The following COPS8 variants were observed in gnomAD, a reference collection of about 807,000 sequenced individuals.
COPS8 encodes the protein COP9 signalosome subunit 8.
A neutral mutation model predicts 31.5 loss-of-function variants in COPS8; 11 were observed. The observed-to-expected ratio is 0.35, with a 90% CI of 0.22 to 0.58. The LOEUF is 0.58. Among genes scored for constraint, COPS8 ranks in the 20% least tolerant of loss-of-function variants. The probability of loss-of-function intolerance (pLI) is 0.83; values close to 1 mark genes in which losing one functional copy is unlikely to be tolerated. For missense variants in COPS8, 215 were observed against 255.1 expected (o/e 0.84, Z 1.07); for synonymous variants, 81 against 89.3 (o/e 0.91, Z 0.52).
intron 5 of COPS8, among the ~76,000 whole-genome samples, chr2:237,095,259 G>A (rs893521178): frequency 1.3e-5 from 2 of 152,040 alleles, no homozygotes; most frequent in African/African-American, 4.8e-5. Context: ...GTGAATGCTG[G>A]TACCACCCGT....
chr2:237,096,950 TGA>T, intron 7 of COPS8, 81 bp downstream of exon 7: 1 of 913,330 alleles, frequency 1.1e-6, no homozygotes, highest in Non-Finnish European at 1.7e-6. Flanking sequence ...TATGTGTGTG[TGA>T]GTGTGTGTAT....
chr2:237,088,239 T>C (rs1696653397), intron 2 of COPS8, among the ~76,000 whole-genome samples: 1 of 152,214 alleles, frequency 6.6e-6, no homozygotes. Flanking sequence ...AGGCTTATTG[T>C]CAGGGAATGC....
Position 237,089,984 on chromosome 2 carries a change from A to C in COPS8, c.321A>C (p.Glu107Asp). Residue 107 changes from glutamate to aspartate, a missense_variant, in exon 4 of 8, where the codon GAA becomes GAC. Transcript: ENST00000354371. ...QWSETVQPIM[E>D]ALRDATRRRA... Reference sequence around the variant, plus strand: ...CTGAGACGGTCCAGCCAATTATGGAAGCACTTAGAGGTAGTGTTTCTTTGT... The same window carrying C: ...CTGAGACGGTCCAGCCAATTATGGACGCACTTAGAGGTAGTGTTTCTTTGT... 5.6e-6 allele frequency: 9 copies of C among 1,613,950 alleles called. No homozygotes were observed. The African/African-American group carries it at 8.0e-5, about 14-fold the overall frequency.
rs1251935459 is a variant in COPS8 at position 237,099,911 on chromosome 2, A to G, written c.*2169A>G. The G allele has an allele frequency of 6.6e-6, 1 of 152,210 alleles. No homozygotes were observed. The highest frequency in any genetic ancestry group is 1.5e-5 in the Non-Finnish European group (1 of 68,048). The allele number at this position is 152,210 out of a possible 1,614,324, so 9.4% of individuals were successfully genotyped here. A position where few individuals can be genotyped will look rare whatever the true frequency, so the allele number is the denominator to read the frequency against. The stretch of plus-strand genomic sequence containing the variant: ...GATTTCTACAGGCCATGTAAAAATG[A>G]GACAGTTTGAGCATGAAATATTTGT... On this transcript the variant is annotated 3_prime_UTR_variant, in exon 8 of 8. Transcript: ENST00000354371.
In COPS8 at chr2:237,094,285, A is replaced by G. The variant is rs954675867; in HGVS notation, c.439+88A>G. 3.1e-5 allele frequency: 39 copies of G among 1,270,914 alleles called. No individual in the cohort carries two copies. The African/African-American group carries it at 5.5e-4, about 18-fold the overall frequency. 78.7% of individuals were successfully genotyped at this position (1,270,914 alleles called of 1,614,324 possible). On this transcript the variant is annotated intron_variant, in intron 5 of 7. Coordinates refer to ENST00000354371, the MANE Select transcript of COPS8 (RefSeq NM_006710.5). ...CACAGTCTCCTCTGAAACACTTGGA[A>G]CAGAATATGCTTTTGGAGTCCAGGC...
chr2:237,094,964 T>C (rs932179327), intron 5 of COPS8, among the ~76,000 whole-genome samples: 3 of 152,028 alleles, frequency 2.0e-5, no homozygotes, highest in Non-Finnish European at 4.4e-5. Context: ...AGATTCCATA[T>C]CAAAAATATA....
chr2:237,093,170 G>T (rs1030136836), intron 4 of COPS8, among the ~76,000 whole-genome samples: 1 of 152,202 alleles, frequency 6.6e-6, no homozygotes, highest in Non-Finnish European at 1.5e-5. Context: ...GCCCCAGGGG[G>T]AGAAGGTGTA....
chr2:237,090,073 G>A (rs2106344816), intron 4 of COPS8, 79 bp downstream of exon 4: 2 of 1,430,186 alleles, frequency 1.4e-6, no homozygotes, highest in Non-Finnish European at 1.9e-6. Context: ...TAATAAATCA[G>A]TGGTGTGTGT....
chr2:237,094,919 CTG>C (rs1262008128), intron 5 of COPS8, among the ~76,000 whole-genome samples: 5 of 152,076 alleles, frequency 3.3e-5, no homozygotes, highest in Non-Finnish European at 5.9e-5. Context: ...TGAGCTGAGA[CTG>C]TGCCACTGCA....
At chr2:237,087,936 A>C (rs928255087) in intron 2 of COPS8, among the ~76,000 whole-genome samples, 3 of 150,258 alleles carry the variant, frequency 2.0e-5, no homozygotes, top group African/African-American at 7.5e-5. Context: ...CCTGTCTCAA[A>C]AGGAAAGCAT....
chr2:237,089,023 C>T (rs1372885122), intron 3 of COPS8, among the ~76,000 whole-genome samples: 3 of 152,144 alleles, frequency 2.0e-5, no homozygotes, highest in African/African-American at 7.2e-5. Context: ...CCATCGTTTA[C>T]AAGAATACTC....
chr2:237,093,220 G>T (rs1696738472), intron 4 of COPS8, among the ~76,000 whole-genome samples: 1 of 152,208 alleles, frequency 6.6e-6, no homozygotes, highest in Non-Finnish European at 1.5e-5. Context: ...TGGCACAAAG[G>T]GTATCTGGGG....
At chr2:237,090,967 A>G (rs1327021378) in intron 4 of COPS8, among the ~76,000 whole-genome samples, 1 of 152,298 alleles carries the variant, frequency 6.6e-6, no homozygotes, top group Non-Finnish European at 1.5e-5. Context: ...CTCTTCATAT[A>G]AGCCCTGAGG....
chr2:237,092,361 T>C (rs1235281652), intron 4 of COPS8, among the ~76,000 whole-genome samples: 1 of 152,230 alleles, frequency 6.6e-6, no homozygotes, highest in Non-Finnish European at 1.5e-5. Context: ...TCACATGTTT[T>C]TCTTTCCTTT....
rs776223966 is a variant in COPS8, at chr2:237,088,596, G to A, written c.150-9G>A. 5.1e-5 allele frequency: 81 copies of A among 1,583,042 alleles called. No homozygotes were observed. The highest frequency in any genetic ancestry group is 1.2e-4 in the Admixed American group (7 of 56,718). On this transcript the variant is annotated splice_polypyrimidine_tract_variant and intron_variant, in intron 2 of 7. Coordinates refer to ENST00000354371, the MANE Select transcript of COPS8 (RefSeq NM_006710.5). ...ATTGATTATTCTTCTTTGTGGTGGCGTAAATTAGGAATAATGCAAGATATC... is the reference window on the plus strand; with the variant it reads ...ATTGATTATTCTTCTTTGTGGTGGCATAAATTAGGAATAATGCAAGATATC...
chr2:237,090,038 G>GGGACTAAGTCTCA, intron 4 of COPS8, 44 bp downstream of exon 4: 1 of 1,596,782 alleles, frequency 6.3e-7, no homozygotes, highest in Non-Finnish European at 8.6e-7. Flanking sequence ...ATGAGACTTA[G>GGGACTAAGTCTCA]TCCCTAAGTG....
intron 3 of COPS8, among the ~76,000 whole-genome samples, chr2:237,088,934 C>T (rs535360158): frequency 6.6e-6 from 1 of 152,226 alleles, no homozygotes. Context: ...GAAGGAAGCT[C>T]CTGGAGGTGG....
chr2:237,096,096 C>G (rs1696795569), intron 6 of COPS8, among the ~76,000 whole-genome samples: 1 of 152,144 alleles, frequency 6.6e-6, no homozygotes, highest in Non-Finnish European at 1.5e-5. Context: ...AATGATTTTA[C>G]GTAGGTTTTT....
intron 5 of COPS8, 117 bp from the exon 6 acceptor site, chr2:237,095,705 A>G (rs749105805): frequency 1.6e-6 from 1 of 642,922 alleles, no homozygotes; most frequent in South Asian, 2.0e-5. Context: ...AAAAATGCAT[A>G]TGACGGGTTA....
Sources: allele counts gnomAD v4.1 joint callset (sites outside exome capture counted in the v4.1 genomes callset), GRCh38; gene constraint gnomAD v4.1.1; transcripts MANE v1.5; gene names NCBI Gene and HGNC (gene_info 2026-07-23, HGNC 2026-07-21).